Variants in LMO7 observed in about 807,000 individuals in gnomAD.
LMO7 encodes the protein LIM domain only protein 7.
Under a neutral mutation model 206.5 loss-of-function variants are expected in LMO7, and 120 were observed. That is an observed-to-expected ratio of 0.58 (90% confidence interval 0.50 to 0.68). The LOEUF is 0.68. Among genes scored for constraint, LMO7 ranks in the 30% least tolerant of loss-of-function variants. LMO7 has a pLI of 0.00. For synonymous variants in LMO7, 706 were observed against 681.5 expected, an observed-to-expected ratio of 1.04 and a Z score of -0.56; for missense variants, 1,959 against 1,957.9, an observed-to-expected ratio of 1.00 and a Z score of -0.01.
chr13:75,653,815 A>G (rs569177105), intron 1 of LMO7, among the ~76,000 whole-genome samples: 3 of 152,346 alleles, frequency 2.0e-5, no homozygotes, highest in Admixed American at 1.3e-4. Flanking sequence ...ACCATAAGTC[A>G]ACAGATAATT....
chr13:75,797,694 A>C (rs1257369149), intron 6 of LMO7, among the ~76,000 whole-genome samples: 4 of 152,196 alleles, frequency 2.6e-5, no homozygotes, highest in Non-Finnish European at 5.9e-5. Flanking sequence ...CTTGGCTTGC[A>C]CCTACCCTGA....
At chr13:75,815,352 G>A (rs1003386278) in intron 11 of LMO7, among the ~76,000 whole-genome samples, 2 of 152,190 alleles carry the variant, frequency 1.3e-5, no homozygotes, top group African/African-American at 4.8e-5. Context: ...AGAGGGACAG[G>A]ATTTACTGAC....
In LMO7 at chr13:75,805,776, T is replaced by C; in HGVS notation, c.1196+16T>C. 1 of 1,611,212 alleles carries C rather than the reference T, an allele frequency of 6.2e-7. No homozygotes were observed. Among genetic ancestry groups the C allele is most frequent in the East Asian group, 2.2e-5 (1 of 44,846 alleles). ...AGGGATTCAGGTTTGTCGTTGTGCA[T>C]GTTTCTGTCACACCAGTGTTCATTC... On this transcript the variant is annotated intron_variant, in intron 9 of 30. Coordinates refer to ENST00000377534, the MANE Select transcript of LMO7 (RefSeq NM_001306080.2).
At chr13:75,637,479 C>G (rs771212322) in intron 1 of LMO7, among the ~76,000 whole-genome samples, 2 of 152,146 alleles carry the variant, frequency 1.3e-5, no homozygotes, top group Non-Finnish European at 2.9e-5. Context: ...AGGTTAACAT[C>G]AGGACTTCTA....
intron 4 of LMO7, 38 bp downstream of exon 4, chr13:75,761,076 T>TA: frequency 1.6e-6 from 2 of 1,274,840 alleles, no homozygotes; most frequent in Non-Finnish European, 2.2e-6. Context: ...TATATATATA[T>TA]TTAAACTTAG....
intron 1 of LMO7, among the ~76,000 whole-genome samples, chr13:75,657,918 A>G (rs1245380975): frequency 2.0e-5 from 3 of 152,134 alleles, no homozygotes; most frequent in Non-Finnish European, 4.4e-5. Context: ...AATTTTGTGG[A>G]TCCTTAAAAC....
chr13:75,750,491 G>A (rs2047189151), intron 3 of LMO7, among the ~76,000 whole-genome samples: 2 of 149,680 alleles, frequency 1.3e-5, no homozygotes, highest in Non-Finnish European at 3.0e-5. Flanking sequence ...CTGAGCTCAA[G>A]CTGTACTCCC....
intron 14 of LMO7, 31 bp from the exon 15 acceptor site, chr13:75,823,534 A>G (rs1439415326): frequency 6.7e-7 from 1 of 1,499,320 alleles, no homozygotes; most frequent in Non-Finnish European, 9.2e-7. Context: ...GTAACAGAAT[A>G]TCAAGTTTAA....
intron 1 of LMO7, among the ~76,000 whole-genome samples, chr13:75,698,150 A>G (rs1286150793): frequency 6.6e-6 from 1 of 152,228 alleles, no homozygotes; most frequent in African/African-American, 2.4e-5. Context: ...AAGATGAAAC[A>G]CTTAAGATAG....
At position 75,727,063 on chromosome 13, in the gene LMO7, A is replaced by G. The variant is rs1168275827; in HGVS notation, c.175A>G (p.Lys59Glu). ...INKLKPGVIK[K>E]INRLSTPIAG... ...TAAGCTTAAACCTGGCGTCATTAAG[A>G]AGATCAATAGACTGTCTACACCAAT... The change falls in exon 3 of 31, where the codon AAG becomes GAG. Residue 59 changes from lysine to glutamate, a missense_variant. Coordinates refer to ENST00000377534, the MANE Select transcript of LMO7 (RefSeq NM_001306080.2). 2 of 1,590,202 alleles carry G rather than the reference A, an allele frequency of 1.3e-6. No individual in the cohort carries two copies. The highest frequency in any genetic ancestry group is 1.7e-4 in the Middle Eastern group (1 of 5,940).
chr13:75,657,275 A>G (rs1011099453), intron 1 of LMO7, among the ~76,000 whole-genome samples: 1 of 152,292 alleles, frequency 6.6e-6, no homozygotes, highest in East Asian at 1.9e-4. Context: ...GAAATAATAA[A>G]TTTCTGTTGT....
intron 4 of LMO7, among the ~76,000 whole-genome samples, chr13:75,783,618 G>A (rs1052969761): frequency 2.6e-5 from 4 of 152,098 alleles, no homozygotes; most frequent in East Asian, 1.9e-4. Context: ...CCAACCTACC[G>A]GGCCAGATAC....
chr13:75,715,955 T>G (rs544374554), intron 2 of LMO7, among the ~76,000 whole-genome samples: 1 of 152,328 alleles, frequency 6.6e-6, no homozygotes, highest in South Asian at 2.1e-4. Context: ...CCACTAGAGA[T>G]CCCAAGTTTT....
chr13:75,801,044 C>A (rs1177455769), intron 7 of LMO7, among the ~76,000 whole-genome samples, 162 bp downstream of exon 7: 1 of 151,792 alleles, frequency 6.6e-6, no homozygotes, highest in African/African-American at 2.4e-5. Context: ...ATTTTTTTCT[C>A]CTTCATGATG....
Position 75,819,406 on chromosome 13 carries a change from G to A in LMO7, c.2078G>A (p.Trp693Ter). The A allele has an allele frequency of 6.2e-7, 1 of 1,604,974 alleles. No homozygotes were observed. The highest frequency in any genetic ancestry group is 8.5e-7 in the Non-Finnish European group (1 of 1,177,454). The change falls in exon 13 of 31, where the codon TGG (tryptophan) becomes TAG (stop). Residue 693 changes from tryptophan to a stop codon, truncating the protein, a stop_gained. Transcript: ENST00000377534. LOFTEE classifies it high-confidence loss of function. ...TTTTTCTGTCAGGACCTTGCAAAAT[G>A]GAAAGATCGTCGAAAAAGTTACACT... ...DQKWQDDLAK[W>*]KDRRKSYTSD...
chr13:75,814,808 G>A (rs955429662), intron 11 of LMO7, among the ~76,000 whole-genome samples: 2 of 152,166 alleles, frequency 1.3e-5, no homozygotes, highest in Non-Finnish European at 2.9e-5. Context: ...TTAAGCAGAT[G>A]CCTGGAAGTG....
At chr13:75,703,673 A>G (rs1458304943) in intron 1 of LMO7, among the ~76,000 whole-genome samples, 2 of 151,678 alleles carry the variant, frequency 1.3e-5, no homozygotes, top group African/African-American at 4.9e-5. Context: ...TTATCCAAGG[A>G]GTCTGGTACT....
At chr13:75,654,762 CTCTTCA>C (rs1049830853) in intron 1 of LMO7, among the ~76,000 whole-genome samples, 19 of 151,602 alleles carry the variant, frequency 1.3e-4, no homozygotes, top group Non-Finnish European at 2.7e-4. Flanking sequence ...GTTTTTTCTC[CTCTTCA>C]TCTTCTATCT....
intron 3 of LMO7, chr13:75,760,369 TCCTATAGTATGGTTTCCCTG>T: frequency 9.6e-7 from 1 of 1,041,568 alleles, no homozygotes; most frequent in South Asian, 3.9e-5. Context: ...TTCTCCTCAG[TCCTATAGTATGGTTTCCCTG>T]CCTGTCAAGA....
Sources: allele counts gnomAD v4.1 joint callset (sites outside exome capture counted in the v4.1 genomes callset), GRCh38; gene constraint gnomAD v4.1.1; transcripts MANE v1.5; gene names NCBI Gene and HGNC (gene_info 2026-07-23, HGNC 2026-07-21).